NKAIN2: variants seen among roughly 807,000 people sequenced by gnomAD.
The protein encoded by NKAIN2 is sodium/potassium-transporting ATPase subunit beta-1-interacting protein 2.
NKAIN2 carries 14 observed loss-of-function variants against 32.6 expected under a neutral mutation model. That is an observed-to-expected ratio of 0.43 (90% CI 0.28 to 0.67). NKAIN2 has a LOEUF of 0.67. Ranked by LOEUF, NKAIN2 falls within the 30% of genes least tolerant of loss-of-function variation. The pLI is 0.17. For missense variants in NKAIN2, 198 were observed against 258.3 expected (o/e 0.77, Z 1.60); for synonymous variants, 80 against 87.2 (o/e 0.92, Z 0.46).
intron 3 of NKAIN2, among the ~76,000 whole-genome samples, chr6:124,536,313 A>C (rs1562243735): frequency 6.6e-6 from 1 of 152,164 alleles, no homozygotes; most frequent in Non-Finnish European, 1.5e-5. Context: ...TCAGCAGGCC[A>C]GCCCTAGGCA....
At chr6:124,299,000 T>G (rs1796181207) in intron 2 of NKAIN2, among the ~76,000 whole-genome samples, 2 of 152,224 alleles carry the variant, frequency 1.3e-5, no homozygotes. Flanking sequence ...CTAAGCATTT[T>G]AATCCACTTA....
At chr6:124,718,185 C>T (rs922292215) in intron 4 of NKAIN2, among the ~76,000 whole-genome samples, 1 of 152,042 alleles carries the variant, frequency 6.6e-6, no homozygotes, top group East Asian at 1.9e-4. Flanking sequence ...AAGTTTAGAA[C>T]ATTTTTATTA....
At chr6:124,302,133 C>T (rs931830170) in intron 2 of NKAIN2, among the ~76,000 whole-genome samples, 4 of 152,156 alleles carry the variant, frequency 2.6e-5, no homozygotes, top group East Asian at 3.9e-4. Context: ...CAAGATCTGA[C>T]GTTTTTATAA....
chr6:124,734,894 T>A (rs892993364), intron 4 of NKAIN2, among the ~76,000 whole-genome samples: 2 of 151,908 alleles, frequency 1.3e-5, no homozygotes, highest in Non-Finnish European at 2.9e-5. Context: ...TTCCTTGAAG[T>A]TCTTTTAGAC....
chr6:124,282,805 T>C (rs1019849625), intron 1 of NKAIN2, among the ~76,000 whole-genome samples, 200 bp from the exon 2 acceptor site: 1 of 152,214 alleles, frequency 6.6e-6, no homozygotes, highest in East Asian at 1.9e-4. Context: ...GGCTTGTAGG[T>C]GTCTATAGAT....
chr6:124,481,047 A>G lies in NKAIN2; in HGVS notation c.273+125700A>G, dbSNP rs541357858. On this transcript the variant is annotated intron_variant, in intron 3 of 6. Coordinates refer to ENST00000368417, the MANE Select transcript of NKAIN2 (RefSeq NM_001040214.3). Reference sequence around the variant, plus strand: ...GCACAGCCTCAGATTCCTAAATTTCATGCTATGCACTGTTCCATCTTACAT... The same window carrying G: ...GCACAGCCTCAGATTCCTAAATTTCGTGCTATGCACTGTTCCATCTTACAT... Among the ~76,000 whole-genome samples, 30 of 152,272 alleles carry G rather than the reference A, an allele frequency of 2.0e-4. 1 individual carries two copies. Among genetic ancestry groups the G allele is most frequent in the Middle Eastern group, 6.8e-3 (2 of 294 alleles).
At chr6:124,648,657 C>G (rs899716849) in intron 3 of NKAIN2, among the ~76,000 whole-genome samples, 6 of 151,962 alleles carry the variant, frequency 3.9e-5, no homozygotes, top group African/African-American at 1.5e-4. Flanking sequence ...CATAGTTCAC[C>G]TGAAAAAGAA....
intron 1 of NKAIN2, among the ~76,000 whole-genome samples, chr6:123,931,453 T>C (rs1348170545): frequency 6.6e-6 from 1 of 152,156 alleles, no homozygotes; most frequent in Non-Finnish European, 1.5e-5. Context: ...ATTATGATAT[T>C]TGCTGGATTC....
intron 1 of NKAIN2, among the ~76,000 whole-genome samples, chr6:123,821,729 G>T (rs1043864849): frequency 1.1e-4 from 16 of 152,142 alleles, no homozygotes; most frequent in African/African-American, 3.1e-4. Context: ...GTGTGGCTGT[G>T]GGAGGATGAG....
At chr6:124,028,216 A>G (rs774998389) in intron 1 of NKAIN2, among the ~76,000 whole-genome samples, 2 of 152,060 alleles carry the variant, frequency 1.3e-5, no homozygotes, top group Admixed American at 6.6e-5. Context: ...TTTAAATCCT[A>G]TTCTCTGAAT....
At chr6:124,170,200 TC>T (rs1179004132) in intron 1 of NKAIN2, among the ~76,000 whole-genome samples, 6 of 152,198 alleles carry the variant, frequency 3.9e-5, no homozygotes, top group Admixed American at 3.3e-4. Context: ...TATTTTGTAC[TC>T]CTCTTTGCAC....
At chr6:124,012,629 T>G (rs9491040) in intron 1 of NKAIN2, among the ~76,000 whole-genome samples, 2,693 of 152,238 alleles carry the variant, frequency 0.018, 89 homozygotes, top group African/African-American at 0.062. Context: ...CTACATGATT[T>G]TGAGAGCTAT....
intron 2 of NKAIN2, among the ~76,000 whole-genome samples, chr6:124,301,817 C>T (rs1407184239): frequency 6.6e-6 from 1 of 152,158 alleles, no homozygotes; most frequent in Non-Finnish European, 1.5e-5. Context: ...TTTTACCTAA[C>T]TTGCTTTTGA....
At chr6:124,264,848 G>A (rs1270018901) in intron 1 of NKAIN2, among the ~76,000 whole-genome samples, 1 of 152,124 alleles carries the variant, frequency 6.6e-6, no homozygotes, top group Non-Finnish European at 1.5e-5. Flanking sequence ...GAACTTGTCT[G>A]TGCCAGCTAT....
chr6:124,654,898 T>C (rs987593759), intron 3 of NKAIN2, among the ~76,000 whole-genome samples: 56 of 152,260 alleles, frequency 3.7e-4, no homozygotes, highest in African/African-American at 1.3e-3. Flanking sequence ...TCTTAGAATT[T>C]TGGCCTCTAG....
chr6:124,765,457 C>T (rs1046247723), intron 4 of NKAIN2, among the ~76,000 whole-genome samples: 1 of 152,224 alleles, frequency 6.6e-6, no homozygotes, highest in African/African-American at 2.4e-5. Context: ...CACAGCACTT[C>T]TGTCCTGAAA....
chr6:124,022,549 G>A (rs1343327797), intron 1 of NKAIN2, among the ~76,000 whole-genome samples: 1 of 152,098 alleles, frequency 6.6e-6, no homozygotes, highest in Non-Finnish European at 1.5e-5. Context: ...TGCCTAGGTG[G>A]ATATAAAATT....
chr6:123,905,107 G>A (rs557707219), intron 1 of NKAIN2, among the ~76,000 whole-genome samples: 155 of 152,226 alleles, frequency 1.0e-3, no homozygotes, highest in African/African-American at 3.6e-3. Flanking sequence ...TGTCAAGAAT[G>A]TGAAAAGTCT....
At chr6:124,818,143 C>G (rs1023230522) in intron 5 of NKAIN2, among the ~76,000 whole-genome samples, 1 of 151,930 alleles carries the variant, frequency 6.6e-6, no homozygotes, top group African/African-American at 2.4e-5. Context: ...TTTTTTCTAC[C>G]AAGTGAATAA....
Sources: gnomAD v4.1 joint callset for allele counts (sites outside exome capture counted in the v4.1 genomes callset) on GRCh38, gnomAD v4.1.1 for gene constraint, MANE v1.5 for transcripts, NCBI Gene and HGNC (gene_info 2026-07-23, HGNC 2026-07-21) for gene names.